Variants in ZNF451 observed in about 807,000 individuals in gnomAD.
ZNF451 encodes E3 SUMO-protein ligase ZNF451.
In ZNF451, 80 loss-of-function variants were observed where a neutral mutation model predicts 107.1. The observed-to-expected ratio is 0.75, with a 90% CI of 0.62 to 0.90. ZNF451 has a LOEUF of 0.90. ZNF451 is among the 40% of genes least tolerant of loss of function. ZNF451 has a pLI of 0.00. For synonymous variants in ZNF451, 362 were observed against 406.5 expected, an observed-to-expected ratio of 0.89 and a Z score of 1.32; for missense variants, 1,107 against 1,236.2, an observed-to-expected ratio of 0.90 and a Z score of 1.57.
At chr6:57,132,253 C>T (rs1831210804) in intron 5 of ZNF451, among the ~76,000 whole-genome samples, 1 of 152,180 alleles carries the variant, frequency 6.6e-6, no homozygotes, top group African/African-American at 2.4e-5. Flanking sequence ...TGATCAGTGG[C>T]TTGATTCCTC....
At chr6:57,131,533 T>A (rs1396874326) in intron 5 of ZNF451, among the ~76,000 whole-genome samples, 1 of 149,584 alleles carries the variant, frequency 6.7e-6, no homozygotes, top group Non-Finnish European at 1.5e-5. Context: ...TAATGCCTTG[T>A]TAAGACTAAA....
chr6:57,136,382 T>G (rs1158733592), intron 7 of ZNF451, among the ~76,000 whole-genome samples: 1 of 152,138 alleles, frequency 6.6e-6, no homozygotes, highest in African/African-American at 2.4e-5. Flanking sequence ...ATGGCAGTAT[T>G]GTTCAGAATG....
At chr6:57,143,377 T>A (rs908591455) in intron 9 of ZNF451, among the ~76,000 whole-genome samples, 9 of 152,174 alleles carry the variant, frequency 5.9e-5, no homozygotes, top group African/African-American at 2.2e-4. Context: ...TTTTTGTTGA[T>A]TTTTACAACA....
At chr6:57,156,243 T>G (rs16888351) in intron 13 of ZNF451, among the ~76,000 whole-genome samples, 2 of 152,200 alleles carry the variant, frequency 1.3e-5, no homozygotes, top group Admixed American at 1.3e-4. Flanking sequence ...CCAAATTTTT[T>G]CTTCATGGAA....
chr6:57,124,314 C>T lies in ZNF451; in HGVS notation c.187-420C>T, dbSNP rs1021066347. The T allele has an allele frequency of 3.4e-4, 224 of 664,482 alleles. 2 individuals carry two copies. In the East Asian group the frequency reaches 5.1e-3, roughly 15 times the overall value. The allele number at this position is 664,482 out of a possible 1,614,324, so 41.2% of individuals were successfully genotyped here. ...CCCTGGAGTTTTTAACTCTCAGGCT[C>T]GTCCACGCTAAGCATCCATTAGAGT... On this transcript the variant is annotated intron_variant, in intron 3 of 14. Coordinates refer to ENST00000370706, the MANE Select transcript of ZNF451 (RefSeq NM_001031623.3).
chr6:57,144,350 C>T (rs534757393), intron 9 of ZNF451, among the ~76,000 whole-genome samples: 6 of 149,022 alleles, frequency 4.0e-5, no homozygotes, highest in Non-Finnish European at 7.4e-5. Context: ...AAGTGATTCT[C>T]GTGCCTCAGC....
chr6:57,106,196 A>G (rs1270782336), intron 3 of ZNF451: 5 of 985,354 alleles, frequency 5.1e-6, no homozygotes, highest in East Asian at 1.1e-4. Context: ...GTGGATGGAC[A>G]TGACATTCAT....
intron 3 of ZNF451, among the ~76,000 whole-genome samples, chr6:57,112,335 A>T (rs937937790): frequency 6.6e-6 from 1 of 152,208 alleles, no homozygotes; most frequent in Non-Finnish European, 1.5e-5. Flanking sequence ...TGCGCTAGTC[A>T]GATACCGTGA....
At chr6:57,100,742 A>G (rs1829552838) in intron 3 of ZNF451, 1 of 1,550,442 alleles carries the variant, frequency 6.4e-7, no homozygotes, top group South Asian at 1.2e-5. Context: ...ATAGTTTCTC[A>G]AACTTCCTCT....
chr6:57,161,583 T>C (rs1267757049), intron 14 of ZNF451, among the ~76,000 whole-genome samples: 1 of 152,078 alleles, frequency 6.6e-6, no homozygotes, highest in Admixed American at 6.5e-5. Context: ...TTGTTACTTA[T>C]CTTGAGTAGT....
Position 57,090,224 on chromosome 6 carries a change from A to C in ZNF451, c.-30A>C. On this transcript the variant is annotated 5_prime_UTR_variant, in exon 1 of 15. Coordinates refer to ENST00000370706, the MANE Select transcript of ZNF451 (RefSeq NM_001031623.3). ...CGGCGGCGGCAGGGACAGCAGGAGC[A>C]GTGGTGCTGTCAGCGCGGCCGTCGG... The C allele has an allele frequency of 6.2e-7, 1 of 1,607,362 alleles. No individual in the cohort carries two copies. Among genetic ancestry groups the C allele is most frequent in the Non-Finnish European group, 8.5e-7 (1 of 1,177,642 alleles).
intron 3 of ZNF451, among the ~76,000 whole-genome samples, chr6:57,121,969 T>C (rs1830658542): frequency 6.8e-6 from 1 of 147,798 alleles, no homozygotes; most frequent in African/African-American, 2.4e-5. Flanking sequence ...TTACCTAATG[T>C]CGAATTATAC....
At chr6:57,122,040 T>C (rs1339395727) in intron 3 of ZNF451, among the ~76,000 whole-genome samples, 3 of 151,904 alleles carry the variant, frequency 2.0e-5, no homozygotes, top group South Asian at 2.1e-4. Context: ...CGCAGACCAA[T>C]GGAATAAGTT....
chr6:57,158,510 A>G (rs908255371), intron 13 of ZNF451: 5 of 985,290 alleles, frequency 5.1e-6, no homozygotes, highest in Admixed American at 6.1e-5. Flanking sequence ...AATAAACACC[A>G]TCTTTACAGG....
chr6:57,165,502 A>C (rs1763856465), intron 14 of ZNF451: 1 of 152,198 alleles, frequency 6.6e-6, no homozygotes, highest in African/African-American at 2.4e-5. Flanking sequence ...TGGATAATTT[A>C]AATTATACTA....
At chr6:57,123,306 T>G (rs183178948) in intron 3 of ZNF451, among the ~76,000 whole-genome samples, 2 of 152,200 alleles carry the variant, frequency 1.3e-5, no homozygotes, top group African/African-American at 4.8e-5. Flanking sequence ...ATATGTACAC[T>G]GTGGAATACT....
chr6:57,112,671 G>A (rs1830166689), intron 3 of ZNF451, among the ~76,000 whole-genome samples: 1 of 152,138 alleles, frequency 6.6e-6, no homozygotes, highest in Non-Finnish European at 1.5e-5. Flanking sequence ...TCACTTCTCT[G>A]GGTAGTAACT....
At position 57,134,773 on chromosome 6, in the gene ZNF451, TTACACTA is replaced by T; in HGVS notation, c.606_612del (p.Thr203MetfsTer11). 6.2e-7 allele frequency: 1 copy of T among 1,613,364 alleles called. No homozygotes were observed. The highest frequency in any genetic ancestry group is 1.3e-5 in the African/African-American group (1 of 75,040). Reference sequence around the variant, plus strand: ...GATCACTCTCCATGTGATCCAACAATTACACTACATGGACCTTTCTTCAGCTCCTTTG... The same window carrying T: ...GATCACTCTCCATGTGATCCAACAATCATGGACCTTTCTTCAGCTCCTTTG... On this transcript the variant is annotated frameshift_variant, in exon 7 of 15. Transcript: ENST00000370706. LOFTEE classifies it high-confidence loss of function.
At chr6:57,109,725 T>C in intron 3 of ZNF451, 1 of 949,098 alleles carries the variant, frequency 1.1e-6, no homozygotes, top group South Asian at 4.9e-5. Flanking sequence ...AATAGTCTCT[T>C]TTCTCAAGTA....
Sources: allele counts gnomAD v4.1 joint callset (sites outside exome capture counted in the v4.1 genomes callset), GRCh38; gene constraint gnomAD v4.1.1; transcripts MANE v1.5; gene names NCBI Gene and HGNC (gene_info 2026-07-23, HGNC 2026-07-21).